The following HOXA10 variants were observed in gnomAD, a reference collection of about 807,000 sequenced individuals.
HOXA10 encodes the protein homeobox A10.
Under a neutral mutation model 29.7 loss-of-function variants are expected in HOXA10, and 12 were observed. The observed-to-expected ratio is 0.40, with a 90% CI of 0.26 to 0.65. HOXA10 has a LOEUF of 0.65. Among genes scored for constraint, HOXA10 ranks in the 30% least tolerant of loss-of-function variants. The pLI is 0.37. For synonymous variants in HOXA10, 327 were observed against 280.7 expected, an observed-to-expected ratio of 1.16 and a Z score of -1.65; for missense variants, 656 against 585.9, an observed-to-expected ratio of 1.12 and a Z score of -1.24.
intron 1 of HOXA10, chr7:27,179,572 G>C: frequency 1.3e-6 from 1 of 747,082 alleles, no homozygotes; most frequent in Non-Finnish European, 2.5e-6. Context: ...GTTCCCGAGA[G>C]CCCTGCTTAG....
At position 27,172,130 on chromosome 7, in the gene HOXA10, C is replaced by T; in HGVS notation, c.1002G>A (p.Lys334=). 1 of 1,613,764 alleles carries T rather than the reference C, an allele frequency of 6.2e-7. No homozygotes were observed. Among genetic ancestry groups the T allele is most frequent in the African/African-American group, 1.3e-5 (1 of 74,844 alleles). ...GENAANWLTA[K]SGRKKRCPYT... ...AGGGGCAGCGCTTCTTCCGACCACT[C>T]TTTGCCGTGAGCCAGTTGGCTGCGT... Residue 334 remains lysine, a synonymous_variant, in exon 2 of 2, where the codon AAG becomes AAA. Transcript: ENST00000283921.
In HOXA10 at chr7:27,173,725, G is replaced by A; in HGVS notation, c.582C>T (p.Gly194=). ...TAAELAPFPR[G]PPPDGCALGT... is the part of the protein sequence containing the mutation. The stretch of plus-strand genomic sequence containing the variant: ...CCAGGGCGCAGCCGTCGGGCGGCGG[G>A]CCCCGCGGGAAGGGAGCCAGTTCGG... The change falls in exon 1 of 2, where the codon GGC becomes GGT. Residue 194 remains glycine (G), a synonymous_variant. Coordinates refer to ENST00000283921, the MANE Select transcript of HOXA10 (RefSeq NM_018951.4). The A allele has an allele frequency of 6.3e-7, 1 of 1,586,936 alleles. No individual in the cohort carries two copies. Among genetic ancestry groups the A allele is most frequent in the African/African-American group, 1.3e-5 (1 of 74,290 alleles).
At position 27,171,022 on chromosome 7, in the gene HOXA10, T is replaced by TTG. The variant is rs1189920806; in HGVS notation, c.*875_*876dup. On this transcript the variant is annotated 3_prime_UTR_variant, in exon 2 of 2. Coordinates refer to ENST00000283921, the MANE Select transcript of HOXA10 (RefSeq NM_018951.4). ...AAACAACTTCACAAGATAGGGAGAA[T>TTG]TGTGGTGTGCTTGTCACATGTTACC... 2.2e-6 allele frequency: 1 copy of TTG among 453,532 alleles called. No homozygotes were observed. The highest frequency in any genetic ancestry group is 2.0e-5 in the African/African-American group (1 of 49,872). The allele number at this position is 453,532 out of a possible 1,614,324, so 28.1% of individuals were successfully genotyped here. A position where few individuals can be genotyped will look rare whatever the true frequency, so the allele number is the denominator to read the frequency against.
At position 27,174,137 on chromosome 7, in the gene HOXA10, T is replaced by C. The variant is rs570291423; in HGVS notation, c.170A>G (p.Tyr57Cys). The change falls in exon 1 of 2, where the codon TAC becomes TGC. Residue 57 changes from tyrosine to cysteine, a missense_variant. By Grantham distance (194) the Tyr-to-Cys change is radical (BLOSUM62 -2). Transcript: ENST00000283921. ...CAGGTAGACCCCGCCGTGGGCGTAG[T>C]AACCGCCACCGCCGCCGCCCCCCGC... is the stretch of plus-strand genomic sequence containing the variant. ...GGAGGGGGGG[Y>C]YAHGGVYLPP... is the part of the protein sequence containing the mutation. The C allele has an allele frequency of 1.6e-5, 26 of 1,593,914 alleles. No homozygotes were observed. The East Asian group carries it at 5.6e-4, about 34-fold the overall frequency.
At chr7:27,179,612 C>T (rs749210784) in intron 1 of HOXA10, 2 of 775,188 alleles carry the variant, frequency 2.6e-6, no homozygotes, top group East Asian at 2.4e-5. Flanking sequence ...TCCCGCCCCA[C>T]CAGACTGAAA....
At chr7:27,179,261 C>G (rs952517043), upstream of HOXA10, among the ~76,000 whole-genome samples, 1 of 152,124 alleles carries the variant, frequency 6.6e-6, no homozygotes, top group Non-Finnish European at 1.5e-5. Flanking sequence ...AGACTTCTAC[C>G]ACCCCATTGT....
upstream of HOXA10, among the ~76,000 whole-genome samples, chr7:27,177,578 A>G (rs1023988560): frequency 5.9e-5 from 9 of 152,178 alleles, no homozygotes; most frequent in South Asian, 2.1e-4. Flanking sequence ...CCGACCCCCA[A>G]GGCTCCCATG....
upstream of HOXA10, among the ~76,000 whole-genome samples, chr7:27,177,888 T>C (rs1783681272): frequency 6.6e-6 from 1 of 152,182 alleles, no homozygotes; most frequent in Non-Finnish European, 1.5e-5. Context: ...CCAGAGCCCA[T>C]GTTTTATTTA....
chr7:27,173,542 C>G lies in HOXA10; in HGVS notation c.765G>C (p.Ala255=). The part of the protein sequence containing the change: ...PPGRGFDLPP[A]LASGSADAAR... ...CCGCATCGGCCGAGCCGGAGGCTAG[C>G]GCGGGCGGGAGATCGAAACCGCGCC... The change falls in exon 1 of 2, where the codon GCG becomes GCC. Residue 255 remains alanine, a synonymous_variant. Transcript: ENST00000283921. 6.9e-7 allele frequency: 1 copy of G among 1,453,960 alleles called. No individual in the cohort carries two copies. Among genetic ancestry groups the G allele is most frequent in the Non-Finnish European group, 9.0e-7 (1 of 1,112,074 alleles). The allele number at this position is 1,453,960 out of a possible 1,614,324, so 90.1% of individuals were successfully genotyped here.
In HOXA10 at chr7:27,171,436, T is replaced by A. The variant is rs1339898326; in HGVS notation, c.*463A>T. On this transcript the variant is annotated 3_prime_UTR_variant, in exon 2 of 2. Coordinates refer to ENST00000283921, the MANE Select transcript of HOXA10 (RefSeq NM_018951.4). ...CCCCTGATTAAACACAGCACAGCAC[T>A]CCAGGCAGACATGCCCGGTGGCGGC... The A allele has an allele frequency of 2.2e-6, 1 of 456,020 alleles. No homozygotes were observed. The highest frequency in any genetic ancestry group is 4.4e-6 in the Non-Finnish European group (1 of 227,856). The allele number at this position is 456,020 out of a possible 1,614,324, so 28.2% of individuals were successfully genotyped here. A position where few individuals can be genotyped will look rare whatever the true frequency, so the allele number is the denominator to read the frequency against.
At chr7:27,179,284 C>G (rs973085146), upstream of HOXA10, among the ~76,000 whole-genome samples, 1 of 149,200 alleles carries the variant, frequency 6.7e-6, no homozygotes, top group African/African-American at 2.5e-5. Context: ...AGAATGGAAA[C>G]TTTGTTTTCC....
chr7:27,177,547 C>T (rs1228550974), upstream of HOXA10, among the ~76,000 whole-genome samples: 1 of 152,148 alleles, frequency 6.6e-6, no homozygotes. Context: ...CAGTTGGTCT[C>T]CTAGCCCCCA....
rs1464129466 is a variant in HOXA10 at position 27,171,859 on chromosome 7, G to C, written c.*40C>G. ...GCCTGAAGACAGAGGGAGGGGACCA[G>C]CGCTCGGGAAGTGAAAAAACCGCGT... On this transcript the variant is annotated 3_prime_UTR_variant, in exon 2 of 2. Coordinates refer to ENST00000283921, the MANE Select transcript of HOXA10 (RefSeq NM_018951.4). The C allele has an allele frequency of 1.2e-6, 2 of 1,611,188 alleles. No homozygotes were observed. The highest frequency in any genetic ancestry group is 1.7e-6 in the Non-Finnish European group (2 of 1,177,618).
In HOXA10 at chr7:27,173,720, G is replaced by T. The variant is rs1193947921; in HGVS notation, c.587C>A (p.Pro196Gln). Residue 196 changes from proline (P) to glutamine (Q), a missense_variant, in exon 1 of 2, where the codon CCG becomes CAG. By Grantham distance (76) the Pro-to-Gln change is moderately conservative. Around this residue, in one of 2 missense-constraint regions of HOXA10, gnomAD observed 594 missense variants for 491.9 expected, o/e 1.21. Transcript: ENST00000283921. ...AELAPFPRGP[P>Q]PDGCALGTSS... ...GGTGCCCAGGGCGCAGCCGTCGGGC[G>T]GCGGGCCCCGCGGGAAGGGAGCCAG... 2.5e-5 allele frequency: 39 copies of T among 1,583,492 alleles called. No homozygotes were observed. The highest frequency in any genetic ancestry group is 3.3e-5 in the Non-Finnish European group (38 of 1,165,782).
chr7:27,174,521 G>T (rs1028257556), upstream of HOXA10, among the ~76,000 whole-genome samples: 1 of 152,206 alleles, frequency 6.6e-6, no homozygotes, highest in Non-Finnish European at 1.5e-5. Context: ...ACCTTGGCCC[G>T]AAGGCCGGGA....
Position 27,172,178 on chromosome 7 carries a change from C to T in HOXA10, c.959-5G>A, listed in dbSNP as rs779621955. 6.2e-7 allele frequency: 1 copy of T among 1,613,618 alleles called. No homozygotes were observed. Among genetic ancestry groups the T allele is most frequent in the Non-Finnish European group, 8.5e-7 (1 of 1,180,024 alleles). On this transcript the variant is annotated splice_region_variant and splice_polypyrimidine_tract_variant and intron_variant, in intron 1 of 1. Transcript: ENST00000283921. Reference sequence around the variant, plus strand: ...CGTTTTCACCTTTGGAATTGCCTGGCATGTAAGAGAATAAAGAGGGGATGA... The same window carrying T: ...CGTTTTCACCTTTGGAATTGCCTGGTATGTAAGAGAATAAAGAGGGGATGA...
At position 27,171,503 on chromosome 7, in the gene HOXA10, A is replaced by G. The variant is rs1363742111; in HGVS notation, c.*396T>C. 1 of 463,844 alleles carries G rather than the reference A, an allele frequency of 2.2e-6. No homozygotes were observed. The highest frequency in any genetic ancestry group is 6.7e-5 in the East Asian group (1 of 15,020). The allele number at this position is 463,844 out of a possible 1,614,324, so 28.7% of individuals were successfully genotyped here. ...CCTCAGGCCAGACACCTCAGCGCCA[A>G]CAATGGGACCTCGGCCTTCCGGCTA... On this transcript the variant is annotated 3_prime_UTR_variant, in exon 2 of 2. Transcript: ENST00000283921.
Position 27,173,574 on chromosome 7 carries a change from GC to G in HOXA10, c.732del (p.Gln244HisfsTer13). On this transcript the variant is annotated frameshift_variant, in exon 1 of 2. Coordinates refer to ENST00000283921, the MANE Select transcript of HOXA10 (RefSeq NM_018951.4). LOFTEE classifies it high-confidence loss of function. ...QQLGAGPFPA[Q>X]PPGRGFDLPP... is the part of the protein sequence containing the mutation. ...GGGAGATCGAAACCGCGCCCCGGGG[GC>G]TGCGCGGGGAACGGGCCAGCCCCGA... The G allele has an allele frequency of 6.8e-7, 1 of 1,471,852 alleles. No individual in the cohort carries two copies. Among genetic ancestry groups the G allele is most frequent in the Non-Finnish European group, 8.9e-7 (1 of 1,118,406 alleles). The allele number at this position is 1,471,852 out of a possible 1,614,324, so 91.2% of individuals were successfully genotyped here. A position where few individuals can be genotyped will look rare whatever the true frequency, so the allele number is the denominator to read the frequency against.
intron 1 of HOXA10, chr7:27,172,896 C>T (rs369379398): frequency 2.3e-5 from 4 of 172,808 alleles, no homozygotes; most frequent in African/African-American, 7.2e-5. Context: ...ACTCGAACTT[C>T]GCCGGTTAAT....
Sources: gnomAD v4.1 joint callset for allele counts (sites outside exome capture counted in the v4.1 genomes callset) on GRCh38, gnomAD v4.1.1 for gene constraint, gnomAD v4.1.1 regional missense constraint, MANE v1.5 for transcripts, NCBI Gene and HGNC (gene_info 2026-07-23, HGNC 2026-07-21) for gene names.